The following SH3BGRL variants were observed in gnomAD, a reference collection of about 807,000 sequenced individuals.
SH3BGRL encodes the protein adapter SH3BGRL.
Under a neutral mutation model 9.8 loss-of-function variants are expected in SH3BGRL, and 7 were observed. That is an observed-to-expected ratio of 0.72 (90% CI 0.41 to 1.35). The LOEUF is 1.35. Ranked by LOEUF, SH3BGRL falls within the 40% of genes most tolerant of loss-of-function variation. SH3BGRL has a pLI of 0.01. For missense variants in SH3BGRL, 73 were observed against 84.4 expected (o/e 0.86, Z 0.53); for synonymous variants, 36 against 29.1 (o/e 1.24, Z -0.76).
intron 3 of SH3BGRL, among the ~76,000 whole-genome samples, chrX:81,293,176 A>G (rs2075863624): frequency 2.7e-5 from 3 of 111,942 alleles, no homozygotes; most frequent in Admixed American, 1.9e-4. Flanking sequence ...CTGCTTTTGC[A>G]TCTTTCTCAT....
intron 1 of SH3BGRL, among the ~76,000 whole-genome samples, chrX:81,266,934 T>G (rs1388427621): frequency 2.7e-5 from 3 of 111,747 alleles, no homozygotes; most frequent in African/African-American, 9.8e-5. Flanking sequence ...CCCTTGTAAG[T>G]TGGATTCCTA....
intron 1 of SH3BGRL, among the ~76,000 whole-genome samples, chrX:81,260,148 A>G (rs1314371341): frequency 1.8e-5 from 2 of 112,031 alleles, no homozygotes; most frequent in African/African-American, 3.2e-5. Flanking sequence ...CAAAAGTATT[A>G]TGAGTCATAT....
At chrX:81,244,497 T>C (rs778488750) in intron 1 of SH3BGRL, among the ~76,000 whole-genome samples, 1 of 111,868 alleles carries the variant, frequency 8.9e-6, no homozygotes, top group African/African-American at 3.2e-5. Context: ...TTCGAATTGT[T>C]TGCTTTCTCA....
intron 1 of SH3BGRL, among the ~76,000 whole-genome samples, chrX:81,216,323 T>C (rs183655331): frequency 5.5e-4 from 61 of 111,246 alleles, no homozygotes; most frequent in African/African-American, 1.9e-3. Flanking sequence ...ACAGAGTAGG[T>C]ACACATATTT....
chrX:81,287,122 T>C (rs1267157772), intron 3 of SH3BGRL, among the ~76,000 whole-genome samples: 1 of 111,520 alleles, frequency 9.0e-6, no homozygotes, highest in African/African-American at 3.3e-5. Flanking sequence ...CCTATATGTG[T>C]AACTAGTATT....
Position 81,298,215 on chromosome X carries a change from T to C in SH3BGRL, c.*988T>C, listed in dbSNP as rs1021064565. The C allele has an allele frequency of 9.0e-6, 1 of 111,530 alleles. No individual in the cohort carries two copies. The highest frequency in any genetic ancestry group is 3.2e-5 in the African/African-American group (1 of 30,812). 9.2% of individuals were successfully genotyped at this position (111,530 alleles called of 1,213,427 possible). ...CATGTATTGTATGAGTGTATTAGTC[T>C]AAGCAGTGAGAATCTTTTCTATGCC... is the stretch of plus-strand genomic sequence containing the variant. On this transcript the variant is annotated 3_prime_UTR_variant, in exon 4 of 4. Coordinates refer to ENST00000373212, the MANE Select transcript of SH3BGRL (RefSeq NM_003022.3).
At chrX:81,228,230 G>A (rs1271081227) in intron 1 of SH3BGRL, among the ~76,000 whole-genome samples, 1 of 111,613 alleles carries the variant, frequency 9.0e-6, no homozygotes, top group Non-Finnish European at 1.9e-5. Context: ...ACTCCAGCTT[G>A]GTTTTATATA....
rs138517222 is a variant in SH3BGRL, at chrX:81,222,865, C to A, written c.45+20620C>A. 4.8e-3 allele frequency among the ~76,000 whole-genome samples: 541 copies of A among 111,987 alleles called. 4 individuals are homozygous for A. The highest frequency in any genetic ancestry group is 0.016 in the African/African-American group (507 of 30,830). ...TCCTGACTTTTTAATGATTGTCATTCCAACTGGTGTGAGATGGTATCTCAT... is the reference window on the plus strand; with the variant it reads ...TCCTGACTTTTTAATGATTGTCATTACAACTGGTGTGAGATGGTATCTCAT... On this transcript the variant is annotated intron_variant, in intron 1 of 3. Coordinates refer to ENST00000373212, the MANE Select transcript of SH3BGRL (RefSeq NM_003022.3).
chrX:81,276,760 A>C (rs945432369), intron 1 of SH3BGRL, among the ~76,000 whole-genome samples: 1 of 111,051 alleles, frequency 9.0e-6, no homozygotes, highest in Non-Finnish European at 1.9e-5. Context: ...AAAATTTTCA[A>C]TGGAAAAAAA....
intron 1 of SH3BGRL, among the ~76,000 whole-genome samples, chrX:81,258,412 G>A (rs1335383218): frequency 3.1e-4 from 35 of 112,388 alleles, no homozygotes; most frequent in Non-Finnish European, 1.3e-4. Flanking sequence ...GAATCCAGAA[G>A]TGAAATTACT....
rs770565972 is a variant in SH3BGRL at position 81,298,053 on chromosome X, T to C, written c.*826T>C. 4 of 111,926 alleles carry C rather than the reference T, an allele frequency of 3.6e-5. No individual in the cohort carries two copies. The highest frequency in any genetic ancestry group is 2.8e-4 in the Admixed American group (3 of 10,547). 9.2% of individuals were successfully genotyped at this position (111,926 alleles called of 1,213,427 possible). A position where few individuals can be genotyped will look rare whatever the true frequency, so the allele number is the denominator to read the frequency against. On this transcript the variant is annotated 3_prime_UTR_variant, in exon 4 of 4. Coordinates refer to ENST00000373212, the MANE Select transcript of SH3BGRL (RefSeq NM_003022.3). ...TTTTAAATAACTCTTATAAAACAGGTTGGCGATCATTTCCCAAGATTGGTT... is the reference window on the plus strand; with the variant it reads ...TTTTAAATAACTCTTATAAAACAGGCTGGCGATCATTTCCCAAGATTGGTT...
chrX:81,250,418 A>T (rs749783195), intron 1 of SH3BGRL, among the ~76,000 whole-genome samples: 9 of 110,681 alleles, frequency 8.1e-5, no homozygotes, highest in African/African-American at 1.6e-4. Flanking sequence ...AAAAAAAAAA[A>T]AAATAAAATA....
intron 1 of SH3BGRL, among the ~76,000 whole-genome samples, chrX:81,272,232 G>A (rs1368357466): frequency 4.6e-5 from 5 of 107,608 alleles, no homozygotes. Context: ...TAGTTTAGTA[G>A]GTCGTGGCAG....
intron 1 of SH3BGRL, among the ~76,000 whole-genome samples, chrX:81,254,560 G>A (rs1468365101): frequency 8.9e-6 from 1 of 112,120 alleles, no homozygotes; most frequent in Non-Finnish European, 1.9e-5. Flanking sequence ...AGAGGAAAAA[G>A]CCCAGTGCTA....
At chrX:81,258,231 T>A (rs950310289) in intron 1 of SH3BGRL, among the ~76,000 whole-genome samples, 1 of 112,019 alleles carries the variant, frequency 8.9e-6, no homozygotes, top group Non-Finnish European at 1.9e-5. Flanking sequence ...TTCTTTCAAC[T>A]GTCCATGCCA....
chrX:81,278,272 T>C lies in SH3BGRL; in HGVS notation c.232-59T>C, dbSNP rs1422302726. On this transcript the variant is annotated intron_variant, in intron 2 of 3. Transcript: ENST00000373212. ...GCCACTGCTTTCGGCTGAATAAATT[T>C]CCTTTTTTTCTTTTATTGGTTGCAT... 1.0e-5 allele frequency: 9 copies of C among 881,822 alleles called. No homozygotes were observed. In the African/African-American group the frequency reaches 1.8e-4, roughly 18 times the overall value. 72.7% of individuals were successfully genotyped at this position (881,822 alleles called of 1,213,427 possible). A position where few individuals can be genotyped will look rare whatever the true frequency, so the allele number is the denominator to read the frequency against.
chrX:81,292,049 T>C (rs1348929758), intron 3 of SH3BGRL, among the ~76,000 whole-genome samples: 3 of 111,039 alleles, frequency 2.7e-5, no homozygotes, highest in Non-Finnish European at 5.7e-5. Context: ...TGTGAGTGGA[T>C]CTACCATTCT....
At position 81,236,673 on chromosome X, in the gene SH3BGRL, A is replaced by T. The variant is rs2075649022; in HGVS notation, c.45+34428A>T. On this transcript the variant is annotated intron_variant, in intron 1 of 3. Transcript: ENST00000373212. Reference sequence around the variant, plus strand: ...GATATGTAGTTGAAGACTTGAGAAGACTGAGCCATGTATTTCTAAAAGGGC... The same window carrying T: ...GATATGTAGTTGAAGACTTGAGAAGTCTGAGCCATGTATTTCTAAAAGGGC... Among the ~76,000 whole-genome samples the T allele has an allele frequency of 3.6e-5, 4 of 112,003 alleles. No individual in the cohort carries two copies. In the South Asian group the frequency reaches 1.5e-3, roughly 42 times the overall value.
At chrX:81,203,195 C>T (rs760946498) in intron 1 of SH3BGRL, among the ~76,000 whole-genome samples, 9 of 112,116 alleles carry the variant, frequency 8.0e-5, no homozygotes, top group Non-Finnish European at 1.7e-4. Flanking sequence ...CAGACAGTGG[C>T]AAGAACAGAT....
Sources: gnomAD v4.1 joint callset for allele counts (sites outside exome capture counted in the v4.1 genomes callset) on GRCh38, gnomAD v4.1.1 for gene constraint, MANE v1.5 for transcripts, NCBI Gene and HGNC (gene_info 2026-07-23, HGNC 2026-07-21) for gene names.